Variants in LITAF observed in about 807,000 individuals in gnomAD.
LITAF encodes lipopolysaccharide induced TNF factor.
LITAF carries 9 observed loss-of-function variants against 14.5 expected under a neutral mutation model. The ratio of observed to expected loss-of-function variants is 0.62; its 90% confidence interval spans 0.37 to 1.08. The LOEUF (loss-of-function observed/expected upper bound fraction) is 1.08, where lower values mean the gene tolerates loss of function less well. Among genes scored for constraint, LITAF ranks in the 50% least tolerant of loss-of-function variants. LITAF has a pLI of 0.01. For missense variants in LITAF, 206 were observed against 213.4 expected (o/e 0.97, Z 0.22); for synonymous variants, 98 against 88.2 (o/e 1.11, Z -0.62).
intron 3 of LITAF, among the ~76,000 whole-genome samples, chr16:11,619,762 G>A (rs994620555): frequency 2.6e-4 from 40 of 152,002 alleles, no homozygotes; most frequent in Admixed American, 7.2e-4. Flanking sequence ...TTGTAGAGGC[G>A]TCATCCTGCT....
chr16:11,622,014 T>A (rs1293652137), intron 3 of LITAF, among the ~76,000 whole-genome samples: 4 of 152,096 alleles, frequency 2.6e-5, no homozygotes, highest in Non-Finnish European at 5.9e-5. Flanking sequence ...AATTAAACAA[T>A]GCAAAACAAA....
rs1221254234 is a variant in LITAF at position 11,553,790 on chromosome 16, T to C, written c.221-101A>G. The C allele has an allele frequency of 7.5e-7, 1 of 1,340,062 alleles. No individual in the cohort carries two copies. Among genetic ancestry groups the C allele is most frequent in the South Asian group, 1.2e-5 (1 of 81,038 alleles). 83.0% of individuals were successfully genotyped at this position (1,340,062 alleles called of 1,614,324 possible). On this transcript the variant is annotated intron_variant, in intron 2 of 3. Transcript: ENST00000622633. The surrounding 1 kb of genome is among the most constrained non-coding windows in gnomAD (Gnocchi z 7.7). The stretch of plus-strand genomic sequence containing the variant: ...GGAACGCAGGGATGCCAGCAAATAT[T>C]ATATTTGTACATTTGTGTTCATAGC...
intron 3 of LITAF, among the ~76,000 whole-genome samples, chr16:11,620,218 A>G (rs560200579): frequency 1.3e-5 from 2 of 152,116 alleles, no homozygotes; most frequent in South Asian, 4.2e-4. Flanking sequence ...ATCCTCCACA[A>G]TGTTGGAGGT....
intron 3 of LITAF, among the ~76,000 whole-genome samples, chr16:11,616,606 C>G (rs141122839): frequency 5.3e-5 from 8 of 152,142 alleles, no homozygotes; most frequent in African/African-American, 1.4e-4. Context: ...GTACGTGAGG[C>G]AAAGACCAAA....
At chr16:11,572,637 A>G (rs1405680078) in intron 1 of LITAF, among the ~76,000 whole-genome samples, 1 of 152,256 alleles carries the variant, frequency 6.6e-6, no homozygotes, top group Admixed American at 6.5e-5. Flanking sequence ...GCATCAGGCC[A>G]GCACTCCTCA....
At chr16:11,606,067 T>G (rs2064953676) in intron 3 of LITAF, among the ~76,000 whole-genome samples, 2 of 152,108 alleles carry the variant, frequency 1.3e-5, no homozygotes, top group South Asian at 4.1e-4. Flanking sequence ...AGAACAGGCA[T>G]GATAGGCTGA....
chr16:11,583,520 A>C (rs950334466), intron 1 of LITAF, among the ~76,000 whole-genome samples: 1 of 152,236 alleles, frequency 6.6e-6, no homozygotes, highest in Non-Finnish European at 1.5e-5. Flanking sequence ...AACAGGCACA[A>C]AGACAAAAGA....
In LITAF at chr16:11,565,311, A is replaced by T. The variant is rs112451474; in HGVS notation, c.-5-8576T>A. Among the ~76,000 whole-genome samples, 489 of 151,978 alleles carry T rather than the reference A, an allele frequency of 3.2e-3. 1 individual carries two copies. Among genetic ancestry groups the T allele is most frequent in the African/African-American group, 0.011 (473 of 41,428 alleles). On this transcript the variant is annotated intron_variant, in intron 1 of 3. Coordinates refer to ENST00000622633, the MANE Select transcript of LITAF (RefSeq NM_001136472.2). Reference sequence around the variant, plus strand: ...TTGACCAGGCTGGGCTCGAACTCCTAACCTCAAGTGATCCACCTGCCTCAG... The same window carrying T: ...TTGACCAGGCTGGGCTCGAACTCCTTACCTCAAGTGATCCACCTGCCTCAG...
At chr16:11,555,028 C>T (rs4781121) in intron 2 of LITAF, among the ~76,000 whole-genome samples, 70,650 of 151,852 alleles carry the variant, frequency 0.47, 16,948 homozygotes, top group Admixed American at 0.6. Flanking sequence ...TTAGCACTTA[C>T]GTGTAATTTT....
chr16:11,613,124 C>G (rs2064993030), intron 3 of LITAF, among the ~76,000 whole-genome samples: 1 of 152,152 alleles, frequency 6.6e-6, no homozygotes, highest in Non-Finnish European at 1.5e-5. Flanking sequence ...ACTGTAACCT[C>G]CATCTCCTGG....
chr16:11,603,017 G>A (rs571586446), upstream of LITAF, among the ~76,000 whole-genome samples: 10 of 152,244 alleles, frequency 6.6e-5, no homozygotes, highest in African/African-American at 1.4e-4. Context: ...GGGAGGCTGA[G>A]GTGAGAGGGT....
In LITAF at chr16:11,549,504, C is replaced by T. The variant is rs1248137815; in HGVS notation, c.*133G>A. 4.1e-6 allele frequency: 3 copies of T among 724,786 alleles called. No individual in the cohort carries two copies. Among genetic ancestry groups the T allele is most frequent in the Admixed American group, 4.0e-5 (2 of 49,518 alleles). The allele number at this position is 724,786 out of a possible 1,614,324, so 44.9% of individuals were successfully genotyped here. On this transcript the variant is annotated 3_prime_UTR_variant, in exon 4 of 4. Coordinates refer to ENST00000622633, the MANE Select transcript of LITAF (RefSeq NM_001136472.2). This position sits in a 1 kb window ranked among gnomAD's most constrained non-coding sequence, Gnocchi z 4.6. Reference sequence around the variant, plus strand: ...TGTTAGTTTTGCGACGTATTCCCCCCAAAAGAAGACATGAAGGTGGGCCCC... The same window carrying T: ...TGTTAGTTTTGCGACGTATTCCCCCTAAAAGAAGACATGAAGGTGGGCCCC...
At chr16:11,561,001 G>C (rs1011446765) in intron 1 of LITAF, 1 of 152,260 alleles carries the variant, frequency 6.6e-6, no homozygotes, top group Admixed American at 6.5e-5. Context: ...TTCTGGCTTT[G>C]TTGAAACTTC....
At chr16:11,588,538 AAAAG>A (rs1185583013), upstream of LITAF, among the ~76,000 whole-genome samples, 1 of 137,692 alleles carries the variant, frequency 7.3e-6, no homozygotes, top group African/African-American at 2.5e-5. Context: ...AAAAGAAAGA[AAAAG>A]AAGAAAGAAA....
chr16:11,618,816 C>T (rs1377694944), intron 3 of LITAF, among the ~76,000 whole-genome samples: 1 of 151,932 alleles, frequency 6.6e-6, no homozygotes, highest in Non-Finnish European at 1.5e-5. Context: ...AACCCTGTCT[C>T]TACTAAAAAT....
intron 3 of LITAF, among the ~76,000 whole-genome samples, chr16:11,604,639 T>A (rs1394736282): frequency 3.6e-5 from 3 of 84,438 alleles, no homozygotes; most frequent in Admixed American, 1.4e-4. Context: ...AGACTCTGTC[T>A]CTCTTAAAAA....
At chr16:11,619,966 G>C (rs1326452212) in intron 3 of LITAF, among the ~76,000 whole-genome samples, 1 of 151,938 alleles carries the variant, frequency 6.6e-6, no homozygotes, top group Non-Finnish European at 1.5e-5. Context: ...TCAGGAGTTG[G>C]AGACCAGCCT....
intron 1 of LITAF, among the ~76,000 whole-genome samples, chr16:11,583,803 G>A (rs1457386653): frequency 6.6e-6 from 1 of 152,120 alleles, no homozygotes; most frequent in Non-Finnish European, 1.5e-5. Context: ...TCCAGCTTTG[G>A]ATCCTGGTAT....
At chr16:11,565,900 T>C (rs1427688665) in intron 1 of LITAF, among the ~76,000 whole-genome samples, 1 of 151,802 alleles carries the variant, frequency 6.6e-6, no homozygotes, top group Non-Finnish European at 1.5e-5. Flanking sequence ...CCTCTCTATA[T>C]GGTGCAGAGG....
Sources: gnomAD v4.1 joint callset for allele counts (sites outside exome capture counted in the v4.1 genomes callset) on GRCh38, gnomAD v4.1.1 for gene constraint, Gnocchi (gnomAD v3.1) non-coding constraint, MANE v1.5 for transcripts, NCBI Gene and HGNC (gene_info 2026-07-23, HGNC 2026-07-21) for gene names.